The following CREB5 variants were observed in gnomAD, a reference collection of about 807,000 sequenced individuals.
The protein encoded by CREB5 is cyclic AMP-responsive element-binding protein 5.
In CREB5, 19 loss-of-function variants were observed where a neutral mutation model predicts 57.1. The ratio of observed to expected loss-of-function variants is 0.33; its 90% CI spans 0.23 to 0.49. CREB5 has a LOEUF of 0.49. Ranked by LOEUF, CREB5 falls within the 20% of genes least tolerant of loss-of-function variation. CREB5 has a pLI of 0.99. For missense variants in CREB5, 579 were observed against 671.6 expected (o/e 0.86, Z 1.52); for synonymous variants, 238 against 238.3 (o/e 1.00, Z 0.01).
chr7:28,394,066 GTC>G (rs1409533464), intron 1 of CREB5, among the ~76,000 whole-genome samples: 1 of 53,876 alleles, frequency 1.9e-5, no homozygotes, highest in African/African-American at 1.0e-4. Context: ...GCAAGACTCT[GTC>G]TCAAAAAAAA....
intron 5 of CREB5, chr7:28,686,273 C>G (rs1206519971): frequency 1.9e-6 from 2 of 1,028,766 alleles, no homozygotes; most frequent in South Asian, 2.6e-5. Flanking sequence ...TGTTTTTGAG[C>G]CTTCGTCCTC....
At position 28,688,437 on chromosome 7, in the gene CREB5, C is replaced by T. The variant is rs1801064753; in HGVS notation, c.465-30316C>T. Among the ~76,000 whole-genome samples, 3 of 152,150 alleles carry T rather than the reference C, an allele frequency of 2.0e-5. No homozygotes were observed. The South Asian group carries it at 6.2e-4, about 31-fold the overall frequency. On this transcript the variant is annotated intron_variant, in intron 5 of 10. Coordinates refer to ENST00000357727, the MANE Select transcript of CREB5 (RefSeq NM_182898.4). The stretch of plus-strand genomic sequence containing the variant: ...GAACAGTATTTTCAATGAATTTATT[C>T]CCCCAAAGATTGCATGACTACTTGA...
chr7:28,441,116 A>T (rs1043346237), intron 1 of CREB5, among the ~76,000 whole-genome samples: 17 of 152,222 alleles, frequency 1.1e-4, no homozygotes, highest in African/African-American at 3.9e-4. Flanking sequence ...TTGATGTCCA[A>T]GAAGACTTCG....
intron 5 of CREB5, among the ~76,000 whole-genome samples, chr7:28,634,242 T>G (rs1583453591): frequency 1.3e-5 from 2 of 152,264 alleles, no homozygotes; most frequent in South Asian, 4.1e-4. Context: ...CAAAAGAAGT[T>G]TCTTCTTTAA....
At chr7:28,730,353 A>ATT (rs1562601272) in intron 7 of CREB5, among the ~76,000 whole-genome samples, 1,147 of 105,038 alleles carry the variant, frequency 0.011, 15 homozygotes, top group African/African-American at 0.041. Flanking sequence ...ACACCCAGAT[A>ATT]ATTTTTTTTT....
At chr7:28,502,232 G>T (rs1792302706) in intron 3 of CREB5, among the ~76,000 whole-genome samples, 2 of 152,130 alleles carry the variant, frequency 1.3e-5, no homozygotes, top group African/African-American at 4.8e-5. Flanking sequence ...TCTGTGTGTT[G>T]TGATTGATTA....
intron 5 of CREB5, among the ~76,000 whole-genome samples, chr7:28,676,781 C>T (rs2128722086): frequency 6.6e-6 from 1 of 152,254 alleles, no homozygotes; most frequent in African/African-American, 2.4e-5. Flanking sequence ...CACTGGTATC[C>T]CTTCCCCCAT....
At chr7:28,530,107 C>T (rs1350621692) in intron 4 of CREB5, among the ~76,000 whole-genome samples, 1 of 152,184 alleles carries the variant, frequency 6.6e-6, no homozygotes, top group Non-Finnish European at 1.5e-5. Flanking sequence ...TTCTAAAAGT[C>T]CCCTCTGACT....
At chr7:28,646,555 G>C (rs1425493831) in intron 5 of CREB5, among the ~76,000 whole-genome samples, 3 of 152,118 alleles carry the variant, frequency 2.0e-5, no homozygotes, top group African/African-American at 7.2e-5. Flanking sequence ...GAGTGTCTTT[G>C]GATCAGGATT....
At chr7:28,520,218 T>A (rs188332669) in intron 4 of CREB5, among the ~76,000 whole-genome samples, 3 of 152,310 alleles carry the variant, frequency 2.0e-5, no homozygotes, top group African/African-American at 7.2e-5. Context: ...CTGACTCAGG[T>A]CAGTTTTTAA....
At chr7:28,356,061 C>T (rs182465506) in intron 1 of CREB5, among the ~76,000 whole-genome samples, 150 of 152,236 alleles carry the variant, frequency 9.9e-4, no homozygotes, top group African/African-American at 3.3e-3. Context: ...CCTCTCTGTT[C>T]GGAAGAAGTG....
intron 4 of CREB5, among the ~76,000 whole-genome samples, chr7:28,560,901 CGCGCGTGCGTGTGCGTGT>C (rs1400188593): frequency 9.2e-5 from 2 of 21,658 alleles, no homozygotes; most frequent in East Asian, 2.9e-3. Flanking sequence ...TGTGTGCGTG[CGCGCGTGCGTGTGCGTGT>C]GTGCGCGTGC....
At position 28,597,108 on chromosome 7, in the gene CREB5, G is replaced by A. The variant is rs560986926; in HGVS notation, c.464+26571G>A. Among the ~76,000 whole-genome samples, 359 of 152,212 alleles carry A rather than the reference G, an allele frequency of 2.4e-3. 6 individuals carry two copies. Among genetic ancestry groups the A allele is most frequent in the African/African-American group, 8.4e-3 (350 of 41,524 alleles). The stretch of plus-strand genomic sequence containing the variant: ...GAAATTACTAGTCCTGTTATATATT[G>A]GTTCCATTATCTCCTTGGCAGGATA... On this transcript the variant is annotated intron_variant, in intron 5 of 10. Coordinates refer to ENST00000357727, the MANE Select transcript of CREB5 (RefSeq NM_182898.4).
intron 5 of CREB5, among the ~76,000 whole-genome samples, chr7:28,640,135 ACT>A (rs1439638710): frequency 6.6e-6 from 1 of 152,046 alleles, no homozygotes; most frequent in Non-Finnish European, 1.5e-5. Flanking sequence ...GATACTCTGC[ACT>A]CTCAGCTCAG....
chr7:28,496,660 G>A (rs916486721), intron 3 of CREB5, among the ~76,000 whole-genome samples: 5 of 152,080 alleles, frequency 3.3e-5, no homozygotes, highest in African/African-American at 7.2e-5. Context: ...CAATACTCCC[G>A]GTGTCGGAGC....
intron 4 of CREB5, among the ~76,000 whole-genome samples, chr7:28,528,782 A>G (rs73077802): frequency 2.4e-4 from 35 of 148,602 alleles, no homozygotes; most frequent in Admixed American, 4.1e-4. Flanking sequence ...TAAAAAAAAA[A>G]AAGGCTTGCC....
intron 1 of CREB5, among the ~76,000 whole-genome samples, chr7:28,485,119 G>A (rs768900037): frequency 3.3e-5 from 5 of 152,146 alleles, no homozygotes; most frequent in African/African-American, 7.2e-5. Context: ...TTGGGATTAC[G>A]GTAGAAAAAT....
In CREB5 at chr7:28,625,193, T is replaced by A. The variant is rs563289688; in HGVS notation, c.464+54656T>A. Among the ~76,000 whole-genome samples the A allele has an allele frequency of 1.2e-4, 18 of 152,164 alleles. No individual in the cohort carries two copies. The South Asian group carries it at 3.7e-3, about 32-fold the overall frequency. ...AGTTACAGGGCTAGTACCTGTGGAG[T>A]TGGATTCAAGCCAGGCCCAGGCCCT... On this transcript the variant is annotated intron_variant, in intron 5 of 10. Coordinates refer to ENST00000357727, the MANE Select transcript of CREB5 (RefSeq NM_182898.4).
At chr7:28,306,523 C>T (rs1785184638) in intron 1 of CREB5, among the ~76,000 whole-genome samples, 1 of 107,378 alleles carries the variant, frequency 9.3e-6, no homozygotes, top group Non-Finnish European at 2.0e-5. Context: ...AAAACTGGTG[C>T]CAGTACATAC....
Sources: gnomAD v4.1 joint callset for allele counts (sites outside exome capture counted in the v4.1 genomes callset) on GRCh38, gnomAD v4.1.1 for gene constraint, MANE v1.5 for transcripts, NCBI Gene and HGNC (gene_info 2026-07-23, HGNC 2026-07-21) for gene names.